Variants in RGS12 observed in about 807,000 individuals in gnomAD.
The protein encoded by RGS12 is regulator of G-protein signaling 12.
A neutral mutation model predicts 120.1 loss-of-function variants in RGS12; 66 were observed. That is an observed-to-expected ratio of 0.55 (90% confidence interval 0.45 to 0.67). RGS12 has a LOEUF of 0.67. RGS12 is among the 30% of genes least tolerant of loss of function. RGS12 has a pLI of 0.00. For missense variants in RGS12, 1,859 were observed against 1,957.7 expected, an observed-to-expected ratio of 0.95 and a Z score of 0.95; for synonymous variants, 827 against 804.7, an observed-to-expected ratio of 1.03 and a Z score of -0.47.
intron 4 of RGS12, 182 bp from the exon 5 acceptor site, chr4:3,413,890 C>G (rs1049240056): frequency 3.2e-6 from 2 of 615,384 alleles, no homozygotes; most frequent in African/African-American, 3.7e-5. Flanking sequence ...GTTCCCTGCT[C>G]CATCCCTGTG....
At chr4:3,417,673 G>T (rs768316484) in intron 9 of RGS12, 132 bp downstream of exon 9, 1 of 941,056 alleles carries the variant, frequency 1.1e-6, no homozygotes, top group Non-Finnish European at 1.6e-6. Flanking sequence ...GGTCGAGGAA[G>T]CTTCTCTGAA....
Position 3,366,159 on chromosome 4 carries a change from G to A in RGS12, c.1999-20257G>A, listed in dbSNP as rs981008334. Among the ~76,000 whole-genome samples, 1 of 152,196 alleles carries A rather than the reference G, an allele frequency of 6.6e-6. No individual in the cohort carries two copies. Among genetic ancestry groups the A allele is most frequent in the African/African-American group, 2.4e-5 (1 of 41,434 alleles). ...GGGCAATGGGGAAGGAAGGCAGGCA[G>A]GCAGGACAGCCAGACTGTTAGGGGT... On this transcript the variant is annotated intron_variant, in intron 3 of 17. Coordinates refer to ENST00000336727, the MANE Select transcript of RGS12 (RefSeq NM_001394154.1). The surrounding 1 kb of genome is among the most constrained non-coding windows in gnomAD (Gnocchi z 4.0).
intron 3 of RGS12, among the ~76,000 whole-genome samples, chr4:3,378,881 TC>T (rs1717961927): frequency 6.6e-6 from 1 of 152,196 alleles, no homozygotes; most frequent in Non-Finnish European, 1.5e-5. Flanking sequence ...TACCATATGA[TC>T]CACTACTGGG....
intron 4 of RGS12, among the ~76,000 whole-genome samples, chr4:3,387,477 A>G (rs1258972706): frequency 6.6e-6 from 1 of 152,244 alleles, no homozygotes; most frequent in Non-Finnish European, 1.5e-5. Flanking sequence ...CTTGTGGGCC[A>G]GCGGCTCTGT....
At position 3,431,693 on chromosome 4, in the gene RGS12, C is replaced by T. The variant is rs112495609; in HGVS notation, c.4114+738C>T. On this transcript the variant is annotated intron_variant, in intron 17 of 17. Transcript: ENST00000336727. The stretch of plus-strand genomic sequence containing the variant: ...AAGGTGTTTCCAGGGGTCCGAGGGC[C>T]GTGGCCTGCGTGGCCATCCCCTGGA... 0.011 allele frequency: 10,608 copies of T among 985,600 alleles called. 692 individuals are homozygous for T. The African/African-American group carries it at 0.15, about 14-fold the overall frequency. The allele number at this position is 985,600 out of a possible 1,614,324, so 61.1% of individuals were successfully genotyped here.
chr4:3,410,700 C>T (rs1577065622), intron 4 of RGS12, among the ~76,000 whole-genome samples: 2 of 152,226 alleles, frequency 1.3e-5, no homozygotes, highest in Admixed American at 6.5e-5. Context: ...TCACTGCCAT[C>T]GTGATCTTGG....
rs1439971594 is a variant in RGS12, at chr4:3,423,656, G to A, written c.3234+15G>A. ...TGGTGAGGCTGGTGAGTGTTGCACG[G>A]GGCCCGGGCGTCGTCACCGCAGGCA... On this transcript the variant is annotated intron_variant, in intron 13 of 17. Transcript: ENST00000336727. 2 of 1,597,742 alleles carry A rather than the reference G, an allele frequency of 1.3e-6. No homozygotes were observed. The highest frequency in any genetic ancestry group is 1.7e-6 in the Non-Finnish European group (2 of 1,175,542).
At chr4:3,287,973 C>T in the RGS12 span, among the ~76,000 whole-genome samples, 4 of 152,334 alleles carry the variant, frequency 2.6e-5, no homozygotes, top group South Asian at 2.1e-4. Context: ...CCAGCCCCTT[C>T]GCTCCATCCC....
At chr4:3,330,402 A>G (rs1711703842) in intron 2 of RGS12, among the ~76,000 whole-genome samples, 1 of 152,124 alleles carries the variant, frequency 6.6e-6, no homozygotes. Flanking sequence ...GTCTGGGGTA[A>G]CCCCAGTTAA....
Position 3,358,699 on chromosome 4 carries a change from T to C in RGS12, c.1998+15646T>C, listed in dbSNP as rs542001158. Among the ~76,000 whole-genome samples the C allele has an allele frequency of 1.5e-3, 225 of 152,204 alleles. 1 individual carries two copies. Among genetic ancestry groups the C allele is most frequent in the Non-Finnish European group, 2.4e-3 (164 of 67,992 alleles). The stretch of plus-strand genomic sequence containing the variant: ...AATTCCACTTGGTGATGGTGTATAA[T>C]CCTTTTAATATGCTGCTGAATTCAG... On this transcript the variant is annotated intron_variant, in intron 3 of 17. Transcript: ENST00000336727.
At chr4:3,358,458 T>C (rs2108827047) in intron 3 of RGS12, among the ~76,000 whole-genome samples, 1 of 152,318 alleles carries the variant, frequency 6.6e-6, no homozygotes, top group Middle Eastern at 3.4e-3. Context: ...ATGATGTTTG[T>C]TGTTAATTTT....
At chr4:3,313,426 T>A (rs1724533769) in intron 1 of RGS12, among the ~76,000 whole-genome samples, 1 of 152,224 alleles carries the variant, frequency 6.6e-6, no homozygotes, top group Non-Finnish European at 1.5e-5. Context: ...TTTCTGAGCG[T>A]GCTTTAGTGA....
chr4:3,286,356 C>A, the RGS12 span, among the ~76,000 whole-genome samples: 1 of 152,204 alleles, frequency 6.6e-6, no homozygotes, highest in Non-Finnish European at 1.5e-5. Context: ...ACTGCGTATG[C>A]GGTGGGCAAA....
At position 3,390,255 on chromosome 4, in the gene RGS12, T is replaced by A. The variant is rs1560139569; in HGVS notation, c.2020+3818T>A. On this transcript the variant is annotated intron_variant, in intron 4 of 17. Transcript: ENST00000336727. This position sits in a 1 kb window ranked among gnomAD's most constrained non-coding sequence, Gnocchi z 4.6. ...ATGGCCACTGTCAATTTCCTGCCCGTGCTAGGGGCAGCTTCCATCATTTTA... is the reference window on the plus strand; with the variant it reads ...ATGGCCACTGTCAATTTCCTGCCCGAGCTAGGGGCAGCTTCCATCATTTTA... Among the ~76,000 whole-genome samples, 1 of 152,196 alleles carries A rather than the reference T, an allele frequency of 6.6e-6. No homozygotes were observed. The highest frequency in any genetic ancestry group is 1.5e-5 in the Non-Finnish European group (1 of 68,030).
chr4:3,419,008 C>T (rs1722708683), intron 9 of RGS12: 1 of 118,408 alleles, frequency 8.4e-6, no homozygotes, highest in Admixed American at 1.0e-4. Flanking sequence ...TGGTAAGGCT[C>T]TACTAAAAAT....
chr4:3,349,177 T>TA (rs2108797779), intron 3 of RGS12, among the ~76,000 whole-genome samples: 1 of 152,338 alleles, frequency 6.6e-6, no homozygotes, highest in African/African-American at 2.4e-5. Context: ...TAGAAGGACT[T>TA]ACACATAATT....
At chr4:3,437,137 C>T (rs144525515) in intron 17 of RGS12, among the ~76,000 whole-genome samples, 20 of 152,248 alleles carry the variant, frequency 1.3e-4, no homozygotes, top group South Asian at 4.2e-4. Context: ...CTGCTCAGGG[C>T]GGGGCCAGGC....
chr4:3,343,257 G>C, intron 3 of RGS12: 1 of 514,926 alleles, frequency 1.9e-6, no homozygotes. Context: ...GCTGTCACAG[G>C]GCTTTCTGGG....
rs538965944 is a variant in RGS12 at position 3,319,493 on chromosome 4, A to G, written c.1881+1442A>G. ...GTCCAGGCTCAAGTGCAGTGGCTCTATCATAGCTCACTGCAGCCCCTGCTC... is the reference window on the plus strand; with the variant it reads ...GTCCAGGCTCAAGTGCAGTGGCTCTGTCATAGCTCACTGCAGCCCCTGCTC... On this transcript the variant is annotated intron_variant, in intron 2 of 17. Transcript: ENST00000336727. Among the ~76,000 whole-genome samples, 13 of 152,176 alleles carry G rather than the reference A, an allele frequency of 8.5e-5. No individual in the cohort carries two copies. In the South Asian group the frequency reaches 1.5e-3, roughly 17 times the overall value.
Sources: allele counts gnomAD v4.1 joint callset (sites outside exome capture counted in the v4.1 genomes callset), GRCh38; gene constraint gnomAD v4.1.1; non-coding constraint Gnocchi (gnomAD v3.1); transcripts MANE v1.5; gene names NCBI Gene and HGNC (gene_info 2026-07-23, HGNC 2026-07-21).